SHANK2: variants seen among roughly 807,000 people sequenced by gnomAD.
The protein encoded by SHANK2 is SH3 and multiple ankyrin repeat domains 2.
A neutral mutation model predicts 133.7 loss-of-function variants in SHANK2; 43 were observed. The ratio of observed to expected loss-of-function variants is 0.32; its 90% CI spans 0.25 to 0.41. The LOEUF (loss-of-function observed/expected upper bound fraction) is 0.41, where lower values mean the gene tolerates loss of function less well. Among genes scored for constraint, SHANK2 ranks in the 10% least tolerant of loss-of-function variants. The pLI, the probability that SHANK2 is intolerant of heterozygous loss-of-function variation, is 1.00. For missense variants in SHANK2, 1,994 were observed against 2,235.8 expected (o/e 0.89, Z 2.18); for synonymous variants, 1,017 against 952.8 (o/e 1.07, Z -1.24).
intron 14 of SHANK2, among the ~76,000 whole-genome samples, chr11:70,706,380 T>A (rs1555024924): frequency 6.6e-6 from 1 of 152,140 alleles, no homozygotes; most frequent in Non-Finnish European, 1.5e-5. Context: ...ATTCCACCGT[T>A]GGCCACGTCA....
At chr11:71,140,530 C>T (rs186614700) in intron 3 of SHANK2, among the ~76,000 whole-genome samples, 84 of 152,338 alleles carry the variant, frequency 5.5e-4, no homozygotes, top group Admixed American at 1.6e-3. Flanking sequence ...GCCCCAGTGC[C>T]GATGGAGGAC....
intron 10 of SHANK2, among the ~76,000 whole-genome samples, chr11:70,950,535 C>T (rs1324761247): frequency 1.3e-5 from 2 of 152,198 alleles, no homozygotes; most frequent in African/African-American, 2.4e-5. Flanking sequence ...ATCACGGGGG[C>T]TCTACCCTCA....
chr11:70,877,087 G>A (rs1480019285), intron 11 of SHANK2, among the ~76,000 whole-genome samples: 1 of 152,222 alleles, frequency 6.6e-6, no homozygotes, highest in Non-Finnish European at 1.5e-5. Flanking sequence ...CTTCCTCACT[G>A]ATATTTTTAT....
chr11:70,539,424 A>G (rs2059585366), intron 17 of SHANK2, among the ~76,000 whole-genome samples: 2 of 147,202 alleles, frequency 1.4e-5, no homozygotes, highest in African/African-American at 5.0e-5. Context: ...GGTGCCCAAC[A>G]GATCTGCGGG....
chr11:71,085,671 TTA>T (rs1162525423), intron 8 of SHANK2, among the ~76,000 whole-genome samples: 3 of 18,682 alleles, frequency 1.6e-4, no homozygotes, highest in Non-Finnish European at 3.3e-4. Flanking sequence ...ATTATATATG[TTA>T]TATATATAAT....
rs1555152586 is a variant in SHANK2, at chr11:70,485,106, C to G, written c.4979+208G>C. Among the ~76,000 whole-genome samples the G allele has an allele frequency of 1.3e-5, 2 of 152,180 alleles. No individual in the cohort carries two copies. Among genetic ancestry groups the G allele is most frequent in the African/African-American group, 4.8e-5 (2 of 41,440 alleles). On this transcript the variant is annotated intron_variant, in intron 25 of 25. Transcript: ENST00000601538. The surrounding 1 kb of genome is among the most constrained non-coding windows in gnomAD (Gnocchi z 5.8). ...AGTCTTTATGAAGGAGTGCTGTGTC[C>G]CACCAGGATGGCTGTGATCATTACT...
chr11:71,186,327 G>A (rs1344337672), intron 2 of SHANK2, among the ~76,000 whole-genome samples: 4 of 152,154 alleles, frequency 2.6e-5, no homozygotes, highest in South Asian at 2.1e-4. Context: ...GACAAATGCC[G>A]TCTGGCATGG....
intron 14 of SHANK2, among the ~76,000 whole-genome samples, chr11:70,759,201 A>C (rs1423832678): frequency 6.7e-6 from 1 of 149,272 alleles, no homozygotes; most frequent in Non-Finnish European, 1.5e-5. Context: ...AAAACAAAAA[A>C]ACTGAGTTCT....
intron 17 of SHANK2, among the ~76,000 whole-genome samples, chr11:70,625,546 C>G (rs887763745): frequency 2.0e-5 from 3 of 152,062 alleles, no homozygotes; most frequent in Non-Finnish European, 2.9e-5. Flanking sequence ...GAGGTGAAGG[C>G]AAAGGTTAGC....
intron 2 of SHANK2, among the ~76,000 whole-genome samples, chr11:71,179,126 C>T (rs1309048471): frequency 2.6e-5 from 4 of 152,152 alleles, no homozygotes; most frequent in South Asian, 2.1e-4. Flanking sequence ...TACCCCGATA[C>T]GAAAAAGAAA....
At chr11:70,862,514 T>C (rs1949276004) in intron 11 of SHANK2, among the ~76,000 whole-genome samples, 1 of 152,092 alleles carries the variant, frequency 6.6e-6, no homozygotes, top group African/African-American at 2.4e-5. Flanking sequence ...GACTGGCTGA[T>C]GGACTGGACT....
chr11:70,606,728 C>T (rs1336339181), intron 17 of SHANK2, among the ~76,000 whole-genome samples: 1 of 152,044 alleles, frequency 6.6e-6, no homozygotes, highest in Non-Finnish European at 1.5e-5. Flanking sequence ...TTAGGAGCTG[C>T]CCAGGTGCAA....
chr11:71,218,163 A>C (rs1314730910), intron 2 of SHANK2, among the ~76,000 whole-genome samples: 2 of 151,966 alleles, frequency 1.3e-5, no homozygotes, highest in African/African-American at 4.8e-5. Flanking sequence ...CCCGGCCAAG[A>C]GGTATTTTTT....
chr11:71,108,957 G>A (rs1301736494), intron 6 of SHANK2, among the ~76,000 whole-genome samples: 1 of 152,220 alleles, frequency 6.6e-6, no homozygotes. Flanking sequence ...AGCGTTCAGA[G>A]GTCGAGGGGG....
At chr11:71,219,790 C>A (rs1327677666) in intron 2 of SHANK2, among the ~76,000 whole-genome samples, 4 of 151,964 alleles carry the variant, frequency 2.6e-5, no homozygotes, top group South Asian at 4.2e-4. Context: ...CTCAGCTACT[C>A]GGGAGGCTGA....
chr11:70,679,509 G>T (rs1276727240), intron 15 of SHANK2, among the ~76,000 whole-genome samples: 1 of 152,256 alleles, frequency 6.6e-6, no homozygotes, highest in Non-Finnish European at 1.5e-5. Context: ...CCTGGCAGCA[G>T]CGGAGGCTTC....
At chr11:71,090,763 A>C (rs1951503031) in intron 8 of SHANK2, among the ~76,000 whole-genome samples, 1 of 152,190 alleles carries the variant, frequency 6.6e-6, no homozygotes, top group Non-Finnish European at 1.5e-5. Context: ...GAAATATTTT[A>C]AAGAGTTGGC....
At chr11:70,735,989 C>A (rs1444315537) in intron 14 of SHANK2, among the ~76,000 whole-genome samples, 1 of 151,882 alleles carries the variant, frequency 6.6e-6, no homozygotes, top group Non-Finnish European at 1.5e-5. Flanking sequence ...TCAGATCCTG[C>A]CACTTGCCAT....
chr11:70,687,697 C>T (rs1014751509), intron 15 of SHANK2, among the ~76,000 whole-genome samples: 9 of 152,170 alleles, frequency 5.9e-5, no homozygotes, highest in East Asian at 3.9e-4. Context: ...CTTTGCCTGC[C>T]GGCGGGGCTC....
Sources: gnomAD v4.1 joint callset for allele counts (sites outside exome capture counted in the v4.1 genomes callset) on GRCh38, gnomAD v4.1.1 for gene constraint, Gnocchi (gnomAD v3.1) non-coding constraint, MANE v1.5 for transcripts, NCBI Gene and HGNC (gene_info 2026-07-23, HGNC 2026-07-21) for gene names.